The following PTDSS2 variants were observed in gnomAD, a reference collection of about 807,000 sequenced individuals.
PTDSS2 encodes the protein PSS-2.
In PTDSS2, 41 loss-of-function variants were observed where a neutral mutation model predicts 64.7. That is an observed-to-expected ratio of 0.63 (90% CI 0.49 to 0.82). The LOEUF is 0.82. Ranked by LOEUF, PTDSS2 falls within the 40% of genes least tolerant of loss-of-function variation. The pLI is 0.00. For synonymous variants in PTDSS2, 297 were observed against 277.8 expected (o/e 1.07, Z -0.69); for missense variants, 485 against 650.0 (o/e 0.75, Z 2.76).
chr11:460,355 T>G lies in PTDSS2; in HGVS notation c.284+67T>G, dbSNP rs1429178528. The G allele has an allele frequency of 4.4e-6, 6 of 1,361,314 alleles. No individual in the cohort carries two copies. In the East Asian group the frequency reaches 1.4e-4, roughly 32 times the overall value. 84.3% of individuals were successfully genotyped at this position (1,361,314 alleles called of 1,614,324 possible). ...CCCCGTGTGGTGGGTGTGGCACCCT[T>G]ACTGCTCGGGCTGCCGGGGGCTCAG... On this transcript the variant is annotated intron_variant, in intron 2 of 11. Transcript: ENST00000308020. This position sits in a 1 kb window ranked among gnomAD's most constrained non-coding sequence, Gnocchi z 5.8.
chr11:489,926 G>A lies in PTDSS2; in HGVS notation c.1159G>A (p.Ala387Thr), dbSNP rs1406094951. ...GGGCCCGCAGGCCTGGCTGGTGGCGGCCATCACGGCCACGGAGCTGCTCAT... is the reference window on the plus strand; with the variant it reads ...GGGCCCGCAGGCCTGGCTGGTGGCGACCATCACGGCCACGGAGCTGCTCAT... Reference protein sequence around the residue: ...KLGPQAWLVAAITATELLIVV... With the variant: ...KLGPQAWLVATITATELLIVV... Residue 387 changes from alanine to threonine, a missense_variant, in exon 11 of 12, where the codon GCC becomes ACC. Physicochemically the swap from Ala to Thr is moderately conservative, Grantham distance 58. Coordinates refer to ENST00000308020, the MANE Select transcript of PTDSS2 (RefSeq NM_030783.3). The A allele has an allele frequency of 6.2e-7, 1 of 1,604,410 alleles. No individual in the cohort carries two copies. The highest frequency in any genetic ancestry group is 1.7e-5 in the Admixed American group (1 of 58,674).
rs1410943570 is a variant in PTDSS2 at position 489,491 on chromosome 11, G to C, written c.946G>C (p.Ala316Pro). The C allele has an allele frequency of 6.2e-7, 1 of 1,613,148 alleles. No homozygotes were observed. Among genetic ancestry groups the C allele is most frequent in the African/African-American group, 1.3e-5 (1 of 75,030 alleles). Residue 316 changes from alanine (A) to proline (P), a missense_variant, in exon 9 of 12, where the codon GCC (alanine) becomes CCC (proline). Around this residue, in one of 3 missense-constraint regions of PTDSS2, gnomAD observed 219 missense variants for 257.3 expected, o/e 0.85. Transcript: ENST00000308020. ...KPASSLRRWL[A>P]VCGIILVFLL... The stretch of plus-strand genomic sequence containing the variant: ...GGCCTCCAGCCTGCGTCGCTGGCTG[G>C]CCGTGTGCGGCATCATCCTGGTGGT...
intron 4 of PTDSS2, 51 bp from the exon 5 acceptor site, chr11:486,888 A>G (rs1390011678): frequency 1.3e-6 from 2 of 1,546,112 alleles, no homozygotes; most frequent in Non-Finnish European, 8.7e-7. Flanking sequence ...CTCCCGTTTC[A>G]AGTTGCCACC....
chr11:476,324 G>T lies in PTDSS2; in HGVS notation c.367+2347G>T, dbSNP rs1199953867. ...TGCCCGTCACACAGTGAAAAGCCTG[G>T]CGCCGTGACGGTGAGAAACTGCCCG... is the stretch of plus-strand genomic sequence containing the variant. On this transcript the variant is annotated intron_variant, in intron 3 of 11. Coordinates refer to ENST00000308020, the MANE Select transcript of PTDSS2 (RefSeq NM_030783.3). This position sits in a 1 kb window ranked among gnomAD's most constrained non-coding sequence, Gnocchi z 4.9. Among the ~76,000 whole-genome samples the T allele has an allele frequency of 1.3e-5, 2 of 152,198 alleles. No homozygotes were observed. Among genetic ancestry groups the T allele is most frequent in the African/African-American group, 4.8e-5 (2 of 41,462 alleles).
chr11:477,629 G>A (rs1424848192), intron 3 of PTDSS2, among the ~76,000 whole-genome samples: 1 of 152,206 alleles, frequency 6.6e-6, no homozygotes, highest in Non-Finnish European at 1.5e-5. Flanking sequence ...TTGGCAGTGC[G>A]GGGAGGGAAG....
intron 2 of PTDSS2, among the ~76,000 whole-genome samples, chr11:466,211 A>T (rs1847133148): frequency 6.6e-6 from 1 of 152,096 alleles, no homozygotes; most frequent in Non-Finnish European, 1.5e-5. Context: ...GTCTGTTTTC[A>T]TACTGCTATA....
intron 7 of PTDSS2, 63 bp from the exon 8 acceptor site, chr11:488,466 G>T (rs1848507006): frequency 1.4e-6 from 2 of 1,451,442 alleles, no homozygotes; most frequent in African/African-American, 2.8e-5. Flanking sequence ...TGCTCTTCCG[G>T]GGTCCTCCTC....
chr11:464,030 G>A (rs1307484172), intron 2 of PTDSS2: 1 of 151,468 alleles, frequency 6.6e-6, no homozygotes, highest in Non-Finnish European at 1.5e-5. Context: ...CTGTTGCCCA[G>A]GCTGGAGTGC....
intron 3 of PTDSS2, among the ~76,000 whole-genome samples, chr11:478,193 C>A (rs1033545619): frequency 2.0e-5 from 3 of 152,022 alleles, no homozygotes; most frequent in African/African-American, 7.3e-5. Flanking sequence ...TCACATTCAT[C>A]CATGACAAAA....
chr11:468,234 C>T (rs912022713), intron 2 of PTDSS2, among the ~76,000 whole-genome samples: 27 of 152,200 alleles, frequency 1.8e-4, no homozygotes, highest in African/African-American at 5.6e-4. Flanking sequence ...GAGAAGGCCG[C>T]GCACTGTGAT....
chr11:487,437 T>C lies in PTDSS2; in HGVS notation c.588T>C (p.Phe196=), dbSNP rs751531530. 1 of 1,614,012 alleles carries C rather than the reference T, an allele frequency of 6.2e-7. No individual in the cohort carries two copies. Among genetic ancestry groups the C allele is most frequent in the East Asian group, 2.2e-5 (1 of 44,878 alleles). ...GCCCACAGGACAAGTTGGATGGCTT[T>C]GTTCCCGCGCACTTTCTTGGCTGGT... The part of the protein sequence containing the change: ...FHNIWDKLDG[F]VPAHFLGWYL... Residue 196 remains phenylalanine, a synonymous_variant, in exon 6 of 12, where the codon TTT becomes TTC. Transcript: ENST00000308020.
chr11:465,759 C>T (rs989204144), intron 2 of PTDSS2, among the ~76,000 whole-genome samples: 31 of 150,940 alleles, frequency 2.1e-4, no homozygotes, highest in Admixed American at 1.8e-3. Context: ...GACCACCCCC[C>T]CCCCATCTCT....
At chr11:474,755 A>G (rs1590653039) in intron 3 of PTDSS2, among the ~76,000 whole-genome samples, 1 of 144,780 alleles carries the variant, frequency 6.9e-6, no homozygotes, top group African/African-American at 2.9e-5. Context: ...TGTATTATAG[A>G]AAATTTCGAA....
chr11:489,883 G>A lies in PTDSS2; in HGVS notation c.1116G>A (p.Pro372=). 6.3e-7 allele frequency: 1 copy of A among 1,583,184 alleles called. No homozygotes were observed. The highest frequency in any genetic ancestry group is 8.6e-7 in the Non-Finnish European group (1 of 1,167,206). ...GCTGAACCCCCTGCTGCCCCTGCAG[G>A]AAGCCCCACAAGAAGCTGGGCCCGC... is the stretch of plus-strand genomic sequence containing the variant. ...MREIYDFMDD[P]KPHKKLGPQA... Residue 372 remains proline (P), a splice_region_variant and synonymous_variant, in exon 11 of 12, where the codon CCG becomes CCA. Coordinates refer to ENST00000308020, the MANE Select transcript of PTDSS2 (RefSeq NM_030783.3).
chr11:487,535 G>A (rs776964820), intron 6 of PTDSS2, 65 bp downstream of exon 6: 156 of 1,466,148 alleles, frequency 1.1e-4, no homozygotes, highest in Admixed American at 3.0e-4. Flanking sequence ...GCTCTGGACC[G>A]TTTCTGTCCA....
intron 3 of PTDSS2, among the ~76,000 whole-genome samples, chr11:477,830 G>A (rs144722282): frequency 7.9e-4 from 120 of 152,358 alleles, no homozygotes; most frequent in African/African-American, 2.5e-3. Flanking sequence ...TTGGGCCACT[G>A]GGAAGTTTCC....
chr11:486,849 A>C (rs1016721195), intron 4 of PTDSS2, 90 bp from the exon 5 acceptor site: 1 of 1,475,418 alleles, frequency 6.8e-7, no homozygotes, highest in Non-Finnish European at 9.0e-7. Context: ...CTCCATCTCA[A>C]AAAAATAAAA....
At chr11:456,843 T>C (rs903465387) in intron 1 of PTDSS2, among the ~76,000 whole-genome samples, 2 of 152,334 alleles carry the variant, frequency 1.3e-5, no homozygotes, top group African/African-American at 4.8e-5. Context: ...TCCCTGCGGT[T>C]TCCTCATGGC....
intron 5 of PTDSS2, 119 bp from the exon 6 acceptor site, chr11:487,301 A>C (rs1848437830): frequency 6.5e-6 from 7 of 1,068,934 alleles, no homozygotes; most frequent in Non-Finnish European, 1.0e-5. Context: ...AGCACCTGTG[A>C]GTCCCTGGCC....
Sources: allele counts gnomAD v4.1 joint callset (sites outside exome capture counted in the v4.1 genomes callset), GRCh38; gene constraint gnomAD v4.1.1; regional missense constraint gnomAD v4.1.1; non-coding constraint Gnocchi (gnomAD v3.1); transcripts MANE v1.5; gene names NCBI Gene and HGNC (gene_info 2026-07-23, HGNC 2026-07-21).